Variants in TSEN34 observed in about 807,000 individuals in gnomAD.
TSEN34 encodes tRNA splicing endonuclease subunit 34, also known as tRNA-splicing endonuclease subunit Sen34.
A neutral mutation model predicts 30.2 loss-of-function variants in TSEN34; 25 were observed. The ratio of observed to expected loss-of-function variants is 0.83; its 90% CI spans 0.60 to 1.16. The LOEUF (loss-of-function observed/expected upper bound fraction) is 1.16. Among genes scored for constraint, TSEN34 ranks in the 50% most tolerant of loss-of-function variants. TSEN34 has a pLI of 0.00. For missense variants in TSEN34, 475 were observed against 411.9 expected (o/e 1.15, Z -1.33); for synonymous variants, 209 against 177.4 (o/e 1.18, Z -1.41).
In TSEN34 at chr19:54,191,792, G is replaced by T. The variant is rs375548744; in HGVS notation, c.315G>T (p.Arg105=). 1 of 1,614,186 alleles carries T rather than the reference G, an allele frequency of 6.2e-7. No homozygotes were observed. Among genetic ancestry groups the T allele is most frequent in the East Asian group, 2.2e-5 (1 of 44,872 alleles). Residue 105 remains arginine, a synonymous_variant, in exon 2 of 4, where the codon CGG becomes CGT. Transcript: ENST00000396388. ...AGAGCGCCTTGGCAGCTGAGGCCCG[G>T]GAGACCCGTCGTCAGGAGCTCCTGG... is the stretch of plus-strand genomic sequence containing the variant. ...QEQSALAAEA[R]ETRRQELLEK... is the part of the protein sequence containing the mutation.
chr19:54,191,313 G>C lies in TSEN34; in HGVS notation c.-52G>C, dbSNP rs2076679758. 1 of 1,547,138 alleles carries C rather than the reference G, an allele frequency of 6.5e-7. No homozygotes were observed. The highest frequency in any genetic ancestry group is 8.7e-7 in the Non-Finnish European group (1 of 1,145,992). On this transcript the variant is annotated 5_prime_UTR_variant, in exon 1 of 4. Coordinates refer to ENST00000396388, the MANE Select transcript of TSEN34 (RefSeq NM_001077446.4). ...GGCTTTGGGTGCGCTGCAGCGGTCC[G>C]CGGCGCGCAGCTGTTTCGGTAACTG...
chr19:54,192,553 T>C (rs1005422668), intron 3 of TSEN34, among the ~76,000 whole-genome samples, 180 bp downstream of exon 3: 2 of 152,038 alleles, frequency 1.3e-5, no homozygotes, highest in African/African-American at 2.4e-5. Flanking sequence ...GCTGGAATTA[T>C]AGGCCCAGCT....
At position 54,191,800 on chromosome 19, in the gene TSEN34, G is replaced by T. The variant is rs1268619606; in HGVS notation, c.323G>T (p.Arg108Leu). ...SALAAEARET[R>L]RQELLEKITE... The stretch of plus-strand genomic sequence containing the variant: ...TTGGCAGCTGAGGCCCGGGAGACCC[G>T]TCGTCAGGAGCTCCTGGAGAAGATT... Residue 108 changes from arginine to leucine, a missense_variant, in exon 2 of 4, where the codon CGT becomes CTT. Arg to Leu is a moderately radical substitution (Grantham distance 102). Transcript: ENST00000396388. The T allele has an allele frequency of 6.2e-7, 1 of 1,614,098 alleles. No individual in the cohort carries two copies. Among genetic ancestry groups the T allele is most frequent in the African/African-American group, 1.3e-5 (1 of 74,950 alleles).
intron 3 of TSEN34, 67 bp from the exon 4 acceptor site, chr19:54,193,108 G>T: frequency 6.2e-7 from 1 of 1,608,906 alleles, no homozygotes; most frequent in Non-Finnish European, 8.5e-7. Flanking sequence ...TCCTCCCAGT[G>T]GTCGTTCCCG....
In TSEN34 at chr19:54,191,344, C is replaced by A. The variant is rs764661701; in HGVS notation, c.-21C>A. 5.2e-6 allele frequency: 8 copies of A among 1,549,056 alleles called. No individual in the cohort carries two copies. The East Asian group carries it at 1.5e-4, about 28-fold the overall frequency. ...CGCAGCTGTTTCGGTAACTGCTTTG[C>A]CTCCCGGCTCCCGCAGGAGGATGCT... On this transcript the variant is annotated 5_prime_UTR_variant, in exon 1 of 4. Transcript: ENST00000396388.
chr19:54,190,591 G>T (rs1254204276), upstream of TSEN34: 1 of 1,240,662 alleles, frequency 8.1e-7, no homozygotes. Context: ...CCGCGAGGCT[G>T]CCGGGAGCCG....
upstream of TSEN34, chr19:54,190,565 G>C: frequency 8.0e-7 from 1 of 1,251,306 alleles, no homozygotes; most frequent in South Asian, 2.5e-5. Flanking sequence ...GCGCTCGGAG[G>C]GGGCGGGGCC....
At chr19:54,190,488 CA>C, upstream of TSEN34, 1 of 1,350,662 alleles carries the variant, frequency 7.4e-7, no homozygotes, top group Non-Finnish European at 9.6e-7. Flanking sequence ...GGCGGGTGTC[CA>C]GGGGGCGGGG....
Position 54,194,060 on chromosome 19 carries a change from T to A in TSEN34, c.*698T>A. On this transcript the variant is annotated 3_prime_UTR_variant, in exon 4 of 4. Transcript: ENST00000396388. The stretch of plus-strand genomic sequence containing the variant: ...CTACAAAAAATAATTTAAAAAAAAA[T>A]TAGCCAGGGATCCCTTGAGCCTGGG... 1 of 181,472 alleles carries A rather than the reference T, an allele frequency of 5.5e-6. No homozygotes were observed. The highest frequency in any genetic ancestry group is 1.2e-5 in the Non-Finnish European group (1 of 85,650). 11.2% of individuals were successfully genotyped at this position (181,472 alleles called of 1,614,324 possible).
At chr19:54,190,553 T>C (rs1462101935), upstream of TSEN34, 4 of 1,232,264 alleles carry the variant, frequency 3.2e-6, no homozygotes, top group African/African-American at 4.8e-5. Context: ...TGGGGTGCGC[T>C]GGCGCTCGGA....
chr19:54,193,843 C>A lies in TSEN34; in HGVS notation c.*481C>A. 1 of 596,986 alleles carries A rather than the reference C, an allele frequency of 1.7e-6. No homozygotes were observed. Among genetic ancestry groups the A allele is most frequent in the South Asian group, 2.1e-5 (1 of 48,076 alleles). The allele number at this position is 596,986 out of a possible 1,614,324, so 37.0% of individuals were successfully genotyped here. A position where few individuals can be genotyped will look rare whatever the true frequency, so the allele number is the denominator to read the frequency against. On this transcript the variant is annotated 3_prime_UTR_variant, in exon 4 of 4. Transcript: ENST00000396388. ...GACTCCTAAATCTGCACTCTTTCTA[C>A]CTCACTAAACTTCCTTTTGAAAAGA...
intron 3 of TSEN34, 72 bp downstream of exon 3, chr19:54,192,445 T>C (rs2147085179): frequency 1.4e-6 from 2 of 1,434,388 alleles, no homozygotes; most frequent in Non-Finnish European, 1.9e-6. Flanking sequence ...GTTTTTCTTT[T>C]TTTTTTTTTT....
upstream of TSEN34, chr19:54,190,538 C>T (rs2076628494): frequency 7.9e-7 from 1 of 1,270,066 alleles, no homozygotes; most frequent in Non-Finnish European, 1.0e-6. Flanking sequence ...CGGGAACTCC[C>T]CAACTGGGGT....
rs1232639676 is a variant in TSEN34, at chr19:54,191,480, G to A, written c.116G>A (p.Gly39Glu). Residue 39 changes from glycine (G) to glutamate (E), a missense_variant, in exon 1 of 4, where the codon GGG becomes GAG. By Grantham distance (98) the Gly-to-Glu change is moderately conservative. Coordinates refer to ENST00000396388, the MANE Select transcript of TSEN34 (RefSeq NM_001077446.4). ...GGRTVGALPR[G>E]PRQNSRLGLP... The stretch of plus-strand genomic sequence containing the variant: ...CGCACGGTAGGCGCCCTGCCCCGCG[G>A]GCCCCGCCAGAACTCGCGCCTGGGC... 2.6e-6 allele frequency: 4 copies of A among 1,555,344 alleles called. No homozygotes were observed. In the Admixed American group the frequency reaches 7.7e-5, roughly 30 times the overall value.
At chr19:54,190,596 G>T (rs543095154), upstream of TSEN34, 37 of 1,251,722 alleles carry the variant, frequency 3.0e-5, no homozygotes, top group East Asian at 1.1e-3. Context: ...AGGCTGCCGG[G>T]AGCCGATGAC....
upstream of TSEN34, chr19:54,191,291 T>C (rs931719922): frequency 1.3e-6 from 2 of 1,541,812 alleles, no homozygotes; most frequent in Admixed American, 2.0e-5. Flanking sequence ...CCCCGGAGGC[T>C]TTGGGTGCGC....
In TSEN34 at chr19:54,194,233, A is replaced by G. The variant is rs535108148; in HGVS notation, c.*871A>G. On this transcript the variant is annotated 3_prime_UTR_variant, in exon 4 of 4. Transcript: ENST00000396388. ...TGTATATATATGTGTGTGTATATAT[A>G]TATATATTATGAAAGGAAATGAGTA... 1.3e-5 allele frequency: 2 copies of G among 151,980 alleles called. No individual in the cohort carries two copies. The highest frequency in any genetic ancestry group is 3.9e-4 in the East Asian group (2 of 5,178). 9.4% of individuals were successfully genotyped at this position (151,980 alleles called of 1,614,324 possible).
upstream of TSEN34, chr19:54,190,158 G>C (rs1001611453): frequency 3.5e-6 from 2 of 573,650 alleles, no homozygotes; most frequent in Non-Finnish European, 6.2e-6. Context: ...AAGCGGCAGA[G>C]GGAGGTGCGC....
In TSEN34 at chr19:54,191,777, G is replaced by A; in HGVS notation, c.300G>A (p.Leu100=). ...QEESFQEQSA[L]AAEARETRRQ... is the part of the protein sequence containing the mutation. ...AGAGCTTCCAGGAGCAGAGCGCCTT[G>A]GCAGCTGAGGCCCGGGAGACCCGTC... Residue 100 remains leucine (L), a synonymous_variant, in exon 2 of 4, where the codon TTG becomes TTA. Transcript: ENST00000396388. 1 of 1,614,212 alleles carries A rather than the reference G, an allele frequency of 6.2e-7. No individual in the cohort carries two copies.
Sources: allele counts gnomAD v4.1 joint callset (sites outside exome capture counted in the v4.1 genomes callset), GRCh38; gene constraint gnomAD v4.1.1; transcripts MANE v1.5; gene names NCBI Gene and HGNC (gene_info 2026-07-23, HGNC 2026-07-21).